Variants in NEU3 observed in about 807,000 individuals in gnomAD.
NEU3 encodes neuraminidase 3.
A neutral mutation model predicts 11.4 loss-of-function variants in NEU3; 10 were observed. The observed-to-expected ratio is 0.88, with a 90% CI of 0.54 to 1.49. The LOEUF (loss-of-function observed/expected upper bound fraction) is 1.49, where lower values mean the gene tolerates loss of function less well. Among genes scored for constraint, NEU3 ranks in the 40% most tolerant of loss-of-function variants. The pLI, the probability that NEU3 is intolerant of heterozygous loss-of-function variation, is 0.00. For synonymous variants in NEU3, 212 were observed against 228.2 expected (o/e 0.93, Z 0.64); for missense variants, 529 against 581.8 (o/e 0.91, Z 0.93).
chr11:74,981,549 TGGG>T, the NEU3 span, among the ~76,000 whole-genome samples: 1 of 152,154 alleles, frequency 6.6e-6, no homozygotes, highest in Admixed American at 6.6e-5. Context: ...CTGTGGCACT[TGGG>T]GGTGTAGGCC....
At chr11:74,993,016 A>G (rs1948749098) in intron 1 of NEU3, among the ~76,000 whole-genome samples, 1 of 152,106 alleles carries the variant, frequency 6.6e-6, no homozygotes, top group Admixed American at 6.5e-5. Flanking sequence ...AAGTAAGAGA[A>G]ATCTCCAGGG....
At position 75,009,926 on chromosome 11, in the gene NEU3, C is replaced by A. The variant is rs1371398204; in HGVS notation, c.*3434C>A. 6.6e-6 allele frequency: 1 copy of A among 152,262 alleles called. No individual in the cohort carries two copies. The highest frequency in any genetic ancestry group is 1.5e-5 in the Non-Finnish European group (1 of 68,076). The allele number at this position is 152,262 out of a possible 1,614,324, so 9.4% of individuals were successfully genotyped here. ...CACGGGTAAGAGGCTTTTCACCCTG[C>A]CTGTTGGGTAGCCCAGAGGACCCAC... On this transcript the variant is annotated 3_prime_UTR_variant, in exon 3 of 3. Transcript: ENST00000294064.
chr11:75,017,799 G>T (rs1948987475), intron 3 of NEU3, among the ~76,000 whole-genome samples: 1 of 152,156 alleles, frequency 6.6e-6, no homozygotes, highest in African/African-American at 2.4e-5. Flanking sequence ...TCTCGAAAAA[G>T]ACCTCTGTAC....
chr11:74,995,469 T>C (rs374763572), intron 2 of NEU3, among the ~76,000 whole-genome samples: 57 of 152,290 alleles, frequency 3.7e-4, no homozygotes, highest in African/African-American at 1.4e-3. Flanking sequence ...CAGGGTTATT[T>C]CAGATCCCAA....
Position 75,006,082 on chromosome 11 carries a change from C to T in NEU3, c.976C>T (p.His326Tyr), listed in dbSNP as rs780183112. The part of the protein sequence containing the change: ...VVSFRPLEIP[H>Y]RCQDSSSKDA... ...AAGTTTCCGGCCCCTGGAGATCCCA[C>T]ATAGGTGCCAGGACTCTAGCAGCAA... The change falls in exon 3 of 3, where the codon CAT (histidine) becomes TAT (tyrosine). Residue 326 changes from histidine (H) to tyrosine (Y), a missense_variant. Coordinates refer to ENST00000294064, the MANE Select transcript of NEU3 (RefSeq NM_006656.6). 1.9e-6 allele frequency: 3 copies of T among 1,614,016 alleles called. No homozygotes were observed. Among genetic ancestry groups the T allele is most frequent in the Non-Finnish European group, 2.5e-6 (3 of 1,179,892 alleles).
Position 74,989,004 on chromosome 11 carries a change from C to T in NEU3, c.-57C>T, listed in dbSNP as rs1236365174. 1.5e-6 allele frequency: 2 copies of T among 1,314,970 alleles called. No individual in the cohort carries two copies. The highest frequency in any genetic ancestry group is 2.1e-6 in the Non-Finnish European group (2 of 937,002). 81.5% of individuals were successfully genotyped at this position (1,314,970 alleles called of 1,614,324 possible). On this transcript the variant is annotated 5_prime_UTR_variant, in exon 1 of 3. Coordinates refer to ENST00000294064, the MANE Select transcript of NEU3 (RefSeq NM_006656.6). Reference sequence around the variant, plus strand: ...TCTCAGTTGTTTCTCCCTCTCTATCCTCCTCTGTCTCAGTCTCCCCAGCCT... The same window carrying T: ...TCTCAGTTGTTTCTCCCTCTCTATCTTCCTCTGTCTCAGTCTCCCCAGCCT...
At chr11:74,997,817 C>T (rs189149805) in intron 2 of NEU3, among the ~76,000 whole-genome samples, 7 of 151,140 alleles carry the variant, frequency 4.6e-5, no homozygotes, top group South Asian at 2.1e-4. Context: ...GAGCAGAGAT[C>T]GAGCCACTGC....
intron 2 of NEU3, among the ~76,000 whole-genome samples, chr11:75,002,710 G>A (rs1948858069): frequency 6.6e-6 from 1 of 152,212 alleles, no homozygotes; most frequent in Non-Finnish European, 1.5e-5. Context: ...CCAAGAAATA[G>A]AATGTCGTCA....
chr11:74,999,123 T>G (rs1362059198), intron 2 of NEU3, among the ~76,000 whole-genome samples: 1 of 143,532 alleles, frequency 7.0e-6, no homozygotes, highest in Non-Finnish European at 1.6e-5. Flanking sequence ...CTTTTAAATT[T>G]TAACTGTCTG....
intron 2 of NEU3, among the ~76,000 whole-genome samples, chr11:75,000,311 TA>T (rs541670306): frequency 3.8e-4 from 58 of 152,308 alleles, no homozygotes; most frequent in African/African-American, 1.3e-3. Context: ...GTGCCAGGTA[TA>T]TTCAAATTGT....
chr11:74,991,838 CAATCATTCAACAAAA>C (rs1459014175), intron 1 of NEU3, among the ~76,000 whole-genome samples: 1 of 152,178 alleles, frequency 6.6e-6, no homozygotes, highest in Non-Finnish European at 1.5e-5. Flanking sequence ...CTGATTCATT[CAATCATTCAACAAAA>C]ATTTGTTGAG....
At position 75,005,466 on chromosome 11, in the gene NEU3, GA is replaced by G; in HGVS notation, c.362del (p.Asn121ThrfsTer54). 2 of 1,613,896 alleles carry G rather than the reference GA, an allele frequency of 1.2e-6. No individual in the cohort carries two copies. Among genetic ancestry groups the G allele is most frequent in the East Asian group, 4.5e-5 (2 of 44,886 alleles). ...CCACACTACCGGGGCATCGGACCAT[GA>G]ACCCCTGTCCTGTATGGGAGCAGAA... ...EATLPGHRTM[N>X]PCPVWEQKSG... On this transcript the variant is annotated frameshift_variant, in exon 3 of 3. Coordinates refer to ENST00000294064, the MANE Select transcript of NEU3 (RefSeq NM_006656.6). LOFTEE classifies it low-confidence loss of function (END_TRUNC).
At chr11:74,987,579 C>T (rs144868500), upstream of NEU3, among the ~76,000 whole-genome samples, 1,430 of 152,072 alleles carry the variant, frequency 9.4e-3, 26 homozygotes, top group African/African-American at 0.033. Flanking sequence ...TTTGGTAGGC[C>T]GAGGCGGGCG....
chr11:74,998,508 T>C (rs1948814217), intron 2 of NEU3, among the ~76,000 whole-genome samples: 1 of 152,172 alleles, frequency 6.6e-6, no homozygotes, highest in African/African-American at 2.4e-5. Flanking sequence ...GTAAAAAAAA[T>C]ATATAGTTGT....
At chr11:75,017,973 AGAG>A (rs1299307329) in intron 3 of NEU3, among the ~76,000 whole-genome samples, 1 of 152,120 alleles carries the variant, frequency 6.6e-6, no homozygotes, top group Non-Finnish European at 1.5e-5. Flanking sequence ...CTTGCAATGA[AGAG>A]GAGCTTTGAG....
intron 2 of NEU3, among the ~76,000 whole-genome samples, chr11:75,004,590 T>G (rs1948879538): frequency 6.6e-6 from 1 of 152,252 alleles, no homozygotes; most frequent in South Asian, 2.1e-4. Context: ...ATTTGCAATA[T>G]GTCTGATTAG....
At chr11:75,020,585 C>T (rs985740510), downstream of NEU3, among the ~76,000 whole-genome samples, 7 of 152,202 alleles carry the variant, frequency 4.6e-5, no homozygotes, top group African/African-American at 9.7e-5. Context: ...CCATGTAAGA[C>T]GTGACTTGCT....
At chr11:74,988,827 G>T (rs887601022), upstream of NEU3, 9 of 540,552 alleles carry the variant, frequency 1.7e-5, no homozygotes, top group South Asian at 1.1e-4. Context: ...GCAGCGCCGA[G>T]GGGGCGGGAC....
At chr11:74,988,849 G>C (rs1424074955), upstream of NEU3, 11 of 553,922 alleles carry the variant, frequency 2.0e-5, no homozygotes, top group Non-Finnish European at 1.6e-5. Flanking sequence ...GGGAGGGCTC[G>C]CGGAGTAGGC....
Sources: allele counts gnomAD v4.1 joint callset (sites outside exome capture counted in the v4.1 genomes callset), GRCh38; gene constraint gnomAD v4.1.1; transcripts MANE v1.5; gene names NCBI Gene and HGNC (gene_info 2026-07-23, HGNC 2026-07-21).